Variants in GRIK3 observed in about 807,000 individuals in gnomAD.
GRIK3 encodes glutamate ionotropic receptor kainate type subunit 3.
GRIK3 carries 29 observed loss-of-function variants against 102.5 expected under a neutral mutation model. The observed-to-expected ratio is 0.28, with a 90% confidence interval of 0.21 to 0.39. The LOEUF (loss-of-function observed/expected upper bound fraction) is 0.39, where lower values mean the gene tolerates loss of function less well. GRIK3 is among the 10% of genes least tolerant of loss of function. The probability of loss-of-function intolerance (pLI) is 1.00; values close to 1 mark genes in which losing one functional copy is unlikely to be tolerated. For missense variants in GRIK3, 908 were observed against 1,252.4 expected (o/e 0.73, Z 4.15); for synonymous variants, 511 against 504.9 (o/e 1.01, Z -0.16).
intron 1 of GRIK3, among the ~76,000 whole-genome samples, chr1:36,905,505 A>AAC (rs397971431): frequency 6.6e-6 from 1 of 152,016 alleles, no homozygotes; most frequent in African/African-American, 2.4e-5. Flanking sequence ...GAAAAAAAAA[A>AAC]CAAAGCTTTA....
chr1:36,839,804 C>T (rs930514455), intron 10 of GRIK3, among the ~76,000 whole-genome samples: 5 of 152,144 alleles, frequency 3.3e-5, no homozygotes, highest in Admixed American at 6.5e-5. Context: ...TCCACAGGAG[C>T]CCAATTTGCT....
At position 36,872,963 on chromosome 1, in the gene GRIK3, G is replaced by A. The variant is rs974252334; in HGVS notation, c.551-594C>T. On this transcript the variant is annotated intron_variant, in intron 3 of 15. Coordinates refer to ENST00000373091, the MANE Select transcript of GRIK3 (RefSeq NM_000831.4). This position sits in a 1 kb window ranked among gnomAD's most constrained non-coding sequence, Gnocchi z 5.9. ...AGGAGGTATTTGTGTCTCCGCCCTC[G>A]TCCTCACTAAGGGCAGTCTGCCTTG... Among the ~76,000 whole-genome samples the A allele has an allele frequency of 4.6e-5, 7 of 152,164 alleles. No homozygotes were observed. The highest frequency in any genetic ancestry group is 2.1e-4 in the South Asian group (1 of 4,828).
intron 1 of GRIK3, among the ~76,000 whole-genome samples, chr1:36,913,611 A>T (rs1641369569): frequency 1.3e-5 from 2 of 152,170 alleles, no homozygotes; most frequent in Admixed American, 1.3e-4. Context: ...TTCTCTAACA[A>T]TACTGCTGGA....
At chr1:36,903,433 A>G (rs558922749) in intron 1 of GRIK3, among the ~76,000 whole-genome samples, 1 of 152,392 alleles carries the variant, frequency 6.6e-6, no homozygotes, top group East Asian at 1.9e-4. Flanking sequence ...GAAATTAAAC[A>G]TACTCTTACA....
chr1:36,897,685 T>G (rs1000485828), intron 1 of GRIK3, among the ~76,000 whole-genome samples: 2 of 152,112 alleles, frequency 1.3e-5, no homozygotes, highest in Non-Finnish European at 2.9e-5. Context: ...CCTCATACCA[T>G]GTTGGTGGGA....
chr1:36,903,807 G>T (rs1189386751), intron 1 of GRIK3, among the ~76,000 whole-genome samples: 1 of 152,220 alleles, frequency 6.6e-6, no homozygotes, highest in Non-Finnish European at 1.5e-5. Context: ...CTTCCAGCGG[G>T]TGGAGGAGGG....
chr1:36,857,443 G>A (rs1640665898), intron 7 of GRIK3, among the ~76,000 whole-genome samples: 1 of 152,212 alleles, frequency 6.6e-6, no homozygotes, highest in Non-Finnish European at 1.5e-5. Flanking sequence ...GGGATCATCA[G>A]GCCCTCCTAT....
chr1:37,033,267 G>A (rs894367402), intron 1 of GRIK3, among the ~76,000 whole-genome samples: 11 of 152,232 alleles, frequency 7.2e-5, no homozygotes, highest in African/African-American at 2.2e-4. Context: ...AGGAATTCGG[G>A]CTAACTTTAA....
intron 1 of GRIK3, among the ~76,000 whole-genome samples, chr1:37,013,119 G>A (rs531683014): frequency 1.3e-5 from 2 of 152,296 alleles, no homozygotes; most frequent in East Asian, 1.9e-4. Context: ...ATGGTGACAG[G>A]CAAGAGAGAA....
chr1:37,032,514 C>T (rs1254055885), intron 1 of GRIK3, among the ~76,000 whole-genome samples: 2 of 152,056 alleles, frequency 1.3e-5, no homozygotes, highest in African/African-American at 4.8e-5. Context: ...CTTCCTGCCC[C>T]TGGAATGGTG....
chr1:36,972,531 C>T (rs899771190), intron 1 of GRIK3, among the ~76,000 whole-genome samples: 43 of 152,270 alleles, frequency 2.8e-4, no homozygotes, highest in African/African-American at 1.0e-3. Flanking sequence ...ACAAGGGCTC[C>T]CACAACCTCC....
intron 2 of GRIK3, among the ~76,000 whole-genome samples, chr1:36,882,496 C>T (rs1384579723): frequency 6.6e-6 from 1 of 152,210 alleles, no homozygotes; most frequent in Non-Finnish European, 1.5e-5. Context: ...GCCATTCTCT[C>T]TTCTTTTCTC....
intron 1 of GRIK3, among the ~76,000 whole-genome samples, chr1:36,970,550 A>G (rs1057144770): frequency 6.6e-6 from 1 of 152,230 alleles, no homozygotes; most frequent in Admixed American, 6.5e-5. Context: ...ATGAATGAAT[A>G]AAAGGATGGA....
chr1:36,874,325 C>T (rs1322291687), intron 3 of GRIK3, among the ~76,000 whole-genome samples: 1 of 152,168 alleles, frequency 6.6e-6, no homozygotes, highest in African/African-American at 2.4e-5. Flanking sequence ...GACATGTATG[C>T]TCGTAGCCTA....
rs192740876 is a variant in GRIK3 at position 36,843,700 on chromosome 1, C to T, written c.1327-1761G>A. Reference sequence around the variant, plus strand: ...TCTTCTTCTGACTCCCCTGAGCCTCCTTCCTTCGCCCCCTGCCCTGTTCCT... The same window carrying T: ...TCTTCTTCTGACTCCCCTGAGCCTCTTTCCTTCGCCCCCTGCCCTGTTCCT... On this transcript the variant is annotated intron_variant, in intron 9 of 15. Coordinates refer to ENST00000373091, the MANE Select transcript of GRIK3 (RefSeq NM_000831.4). Among the ~76,000 whole-genome samples the T allele has an allele frequency of 2.9e-3, 448 of 152,320 alleles. 2 individuals carry two copies. Among genetic ancestry groups the T allele is most frequent in the Non-Finnish European group, 4.6e-3 (311 of 68,016 alleles).
In GRIK3 at chr1:37,009,779, GC is replaced by G. The variant is rs1241655910; in HGVS notation, c.115+24214del. ...GCTAATGGTATGCAAATGGGGCTGG[GC>G]TGGGCTGGACTGAAGTAGGGACTTG... is the stretch of plus-strand genomic sequence containing the variant. On this transcript the variant is annotated intron_variant, in intron 1 of 15. Transcript: ENST00000373091. 5.3e-5 allele frequency among the ~76,000 whole-genome samples: 8 copies of G among 152,306 alleles called. No homozygotes were observed. The East Asian group carries it at 1.4e-3, about 26-fold the overall frequency.
At chr1:36,826,680 T>A (rs554230) in intron 10 of GRIK3, among the ~76,000 whole-genome samples, 16,223 of 102,394 alleles carry the variant, frequency 0.16, 642 homozygotes, top group Non-Finnish European at 0.19. Flanking sequence ...TTTCAAAAAA[T>A]AAAAAAAAAA....
At chr1:36,888,152 A>G (rs1641063347) in intron 2 of GRIK3, among the ~76,000 whole-genome samples, 1 of 152,218 alleles carries the variant, frequency 6.6e-6, no homozygotes, top group Non-Finnish European at 1.5e-5. Context: ...CATAAGTGTA[A>G]CAAAAGTGAA....
At position 36,806,363 on chromosome 1, in the gene GRIK3, A is replaced by G. The variant is rs1386634368; in HGVS notation, c.2092-37T>C. ...GGGAAGGGGTGATGCACACACCGTT[A>G]CTAGGCGCACCAGGGACCAAGCACC... On this transcript the variant is annotated intron_variant, in intron 13 of 15. Coordinates refer to ENST00000373091, the MANE Select transcript of GRIK3 (RefSeq NM_000831.4). This position sits in a 1 kb window ranked among gnomAD's most constrained non-coding sequence, Gnocchi z 4.0. 1.5e-6 allele frequency: 2 copies of G among 1,375,078 alleles called. No individual in the cohort carries two copies. The highest frequency in any genetic ancestry group is 2.8e-5 in the African/African-American group (2 of 70,322). 85.2% of individuals were successfully genotyped at this position (1,375,078 alleles called of 1,614,324 possible).
Sources: gnomAD v4.1 joint callset for allele counts (sites outside exome capture counted in the v4.1 genomes callset) on GRCh38, gnomAD v4.1.1 for gene constraint, Gnocchi (gnomAD v3.1) non-coding constraint, MANE v1.5 for transcripts, NCBI Gene and HGNC (gene_info 2026-07-23, HGNC 2026-07-21) for gene names.